WDR49: variants seen among roughly 807,000 people sequenced by gnomAD.
WDR49 encodes WD repeat domain 49.
In WDR49, 107 loss-of-function variants were observed where a neutral mutation model predicts 119.5. That is an observed-to-expected ratio of 0.90 (90% CI 0.77 to 1.05). The LOEUF (loss-of-function observed/expected upper bound fraction) is 1.05, where lower values mean the gene tolerates loss of function less well. WDR49 is among the 50% of genes least tolerant of loss of function. The pLI is 0.00. For synonymous variants in WDR49, 425 were observed against 418.8 expected (o/e 1.01, Z -0.18); for missense variants, 1,240 against 1,220.5 (o/e 1.02, Z -0.24).
chr3:167,538,575 TA>T (rs537875888), intron 10 of WDR49, among the ~76,000 whole-genome samples: 2 of 152,168 alleles, frequency 1.3e-5, no homozygotes, highest in South Asian at 4.1e-4. Context: ...GCTACTAGAT[TA>T]ATTATTCTAC....
At chr3:167,562,628 A>T (rs1418523651) in intron 8 of WDR49, among the ~76,000 whole-genome samples, 1 of 152,238 alleles carries the variant, frequency 6.6e-6, no homozygotes, top group Admixed American at 6.5e-5. Flanking sequence ...ATTAATTAGC[A>T]TTCCATGTCA....
chr3:167,600,607 A>G (rs1715723101), intron 7 of WDR49, among the ~76,000 whole-genome samples: 1 of 152,176 alleles, frequency 6.6e-6, no homozygotes, highest in Non-Finnish European at 1.5e-5. Context: ...CATTTTCAAT[A>G]CTGATGCATC....
intron 18 of WDR49, among the ~76,000 whole-genome samples, chr3:167,488,290 G>T (rs939116406): frequency 6.6e-6 from 1 of 151,634 alleles, no homozygotes; most frequent in South Asian, 2.1e-4. Context: ...ATTAATGCAG[G>T]AACAGAAAGC....
At chr3:167,655,501 A>T (rs1236943573), upstream of WDR49, among the ~76,000 whole-genome samples, 1 of 152,212 alleles carries the variant, frequency 6.6e-6, no homozygotes, top group Non-Finnish European at 1.5e-5. Context: ...AGAGAAGAGC[A>T]TCCTGTAGGA....
At chr3:167,528,495 C>A (rs1419169212) in intron 14 of WDR49, among the ~76,000 whole-genome samples, 2 of 149,744 alleles carry the variant, frequency 1.3e-5, no homozygotes, top group Non-Finnish European at 2.9e-5. Context: ...CCCCAGGCAA[C>A]CTAGTGAGAC....
At chr3:167,481,764 G>A (rs1750725350) in intron 18 of WDR49, among the ~76,000 whole-genome samples, 1 of 152,032 alleles carries the variant, frequency 6.6e-6, no homozygotes, top group Non-Finnish European at 1.5e-5. Flanking sequence ...GGAAACCCTT[G>A]ATAAACCCAT....
intron 3 of WDR49, among the ~76,000 whole-genome samples, chr3:167,622,770 C>A (rs536442994): frequency 6.6e-6 from 1 of 152,210 alleles, no homozygotes; most frequent in East Asian, 1.9e-4. Flanking sequence ...GGATGCACTT[C>A]TTCTCAAGTG....
intron 18 of WDR49, among the ~76,000 whole-genome samples, chr3:167,483,636 G>A (rs141864899): frequency 0.011 from 1,614 of 152,080 alleles, 32 homozygotes; most frequent in African/African-American, 0.035. Context: ...TATAAAAGTG[G>A]CTATTTAAGA....
intron 5 of WDR49, among the ~76,000 whole-genome samples, chr3:167,605,833 C>T (rs1040843716): frequency 1.1e-4 from 17 of 152,062 alleles, no homozygotes; most frequent in African/African-American, 3.9e-4. Flanking sequence ...AGTGATTTGC[C>T]AAAGTCAGCA....
chr3:167,563,372 A>G (rs1280180196), intron 8 of WDR49, among the ~76,000 whole-genome samples: 1 of 135,894 alleles, frequency 7.4e-6, no homozygotes, highest in Non-Finnish European at 1.5e-5. Context: ...AAAAAAAAAA[A>G]AAAAAGAAAG....
rs201408126 is a variant in WDR49 at position 167,602,293 on chromosome 3, G to GAA, written c.1127-20_1127-19dup. 1 of 1,540,170 alleles carries GAA rather than the reference G, an allele frequency of 6.5e-7. No homozygotes were observed. Among genetic ancestry groups the GAA allele is most frequent in the African/African-American group, 1.4e-5 (1 of 72,348 alleles). ...AGCAGTTGCTAATCAGAATTAGAAA[G>GAA]AAAAAAAATGTTTTTAATAGCATGA... On this transcript the variant is annotated intron_variant, in intron 6 of 18. Coordinates refer to ENST00000682715, the MANE Select transcript of WDR49 (RefSeq NM_001366157.1).
intron 16 of WDR49, among the ~76,000 whole-genome samples, chr3:167,518,390 CTCCTGTTGTT>C (rs1250392708): frequency 1.3e-5 from 2 of 152,142 alleles, no homozygotes; most frequent in Non-Finnish European, 2.9e-5. Flanking sequence ...TCCTCTCCGG[CTCCTGTTGTT>C]TCCTGACTTT....
At chr3:167,482,535 C>T (rs544111428) in intron 18 of WDR49, among the ~76,000 whole-genome samples, 6 of 150,840 alleles carry the variant, frequency 4.0e-5, no homozygotes, top group South Asian at 2.1e-4. Flanking sequence ...AAAAATTAGT[C>T]GGGCCTGGTG....
At chr3:167,562,963 G>C (rs1577241952) in intron 8 of WDR49, among the ~76,000 whole-genome samples, 1 of 152,304 alleles carries the variant, frequency 6.6e-6, no homozygotes, top group South Asian at 2.1e-4. Flanking sequence ...TCATTTGCCT[G>C]ACCTCTTACT....
intron 17 of WDR49, among the ~76,000 whole-genome samples, chr3:167,501,075 A>G (rs1434524456): frequency 6.6e-6 from 1 of 152,222 alleles, no homozygotes; most frequent in African/African-American, 2.4e-5. Flanking sequence ...TAAAACATAG[A>G]CTGCTATGTG....
chr3:167,581,235 C>T (rs554196803), intron 7 of WDR49, among the ~76,000 whole-genome samples: 3 of 152,184 alleles, frequency 2.0e-5, no homozygotes, highest in South Asian at 4.1e-4. Flanking sequence ...CTTCTTTTAA[C>T]CGTTAACCTT....
At chr3:167,612,252 T>C (rs1404937096) in intron 5 of WDR49, among the ~76,000 whole-genome samples, 2 of 151,318 alleles carry the variant, frequency 1.3e-5, no homozygotes, top group Non-Finnish European at 3.0e-5. Context: ...AGTGAAGAAA[T>C]TAAGAAGGAA....
At chr3:167,631,425 A>C (rs1717369486) in intron 2 of WDR49, among the ~76,000 whole-genome samples, 1 of 151,996 alleles carries the variant, frequency 6.6e-6, no homozygotes, top group Non-Finnish European at 1.5e-5. Flanking sequence ...ACATTGGGAG[A>C]CTCAAATTTT....
At chr3:167,644,960 C>T (rs1718048928) in intron 2 of WDR49, among the ~76,000 whole-genome samples, 1 of 151,822 alleles carries the variant, frequency 6.6e-6, no homozygotes, top group East Asian at 1.9e-4. Flanking sequence ...ATTTATGTAG[C>T]ATTCTTTCTT....
Sources: gnomAD v4.1 joint callset for allele counts (sites outside exome capture counted in the v4.1 genomes callset) on GRCh38, gnomAD v4.1.1 for gene constraint, MANE v1.5 for transcripts, NCBI Gene and HGNC (gene_info 2026-07-23, HGNC 2026-07-21) for gene names.